The following CTIF variants were observed in gnomAD, a reference collection of about 807,000 sequenced individuals.
CTIF encodes cap binding complex dependent translation initiation factor, also known as CBP80/20-dependent translation initiation factor.
CTIF carries 21 observed loss-of-function variants against 66.0 expected under a neutral mutation model. The ratio of observed to expected loss-of-function variants is 0.32; its 90% confidence interval spans 0.23 to 0.46. The LOEUF (loss-of-function observed/expected upper bound fraction) is 0.46, where lower values mean the gene tolerates loss of function less well. Among genes scored for constraint, CTIF ranks in the 20% least tolerant of loss-of-function variants. The pLI, the probability that CTIF is intolerant of heterozygous loss-of-function variation, is 1.00. For synonymous variants in CTIF, 345 were observed against 326.4 expected, an observed-to-expected ratio of 1.06 and a Z score of -0.62; for missense variants, 739 against 812.7, an observed-to-expected ratio of 0.91 and a Z score of 1.10.
chr18:48,703,228 G>A (rs1052262920), intron 6 of CTIF, among the ~76,000 whole-genome samples: 1 of 152,174 alleles, frequency 6.6e-6, no homozygotes, highest in African/African-American at 2.4e-5. Flanking sequence ...GTGAAGAAGA[G>A]GGGGACTGTA....
At chr18:48,775,462 C>T (rs1599022116) in intron 9 of CTIF, among the ~76,000 whole-genome samples, 1 of 152,348 alleles carries the variant, frequency 6.6e-6, no homozygotes, top group Middle Eastern at 3.4e-3. Flanking sequence ...TCCAGGGGCC[C>T]CCGGCACAGT....
At chr18:48,784,708 C>T (rs960343141) in intron 9 of CTIF, among the ~76,000 whole-genome samples, 1 of 151,988 alleles carries the variant, frequency 6.6e-6, no homozygotes, top group African/African-American at 2.4e-5. Flanking sequence ...GGCAGTGGGG[C>T]CTAAGGGTCA....
At chr18:48,613,244 C>T (rs976182153) in intron 1 of CTIF, among the ~76,000 whole-genome samples, 48 of 152,154 alleles carry the variant, frequency 3.2e-4, no homozygotes, top group Non-Finnish European at 1.9e-4. Context: ...TGTCTCTAGC[C>T]TGTGGGTGCT....
At position 48,730,370 on chromosome 18, in the gene CTIF, TGCG is replaced by T. The variant is rs1568171264; in HGVS notation, c.584+18677_584+18679del. Among the ~76,000 whole-genome samples the T allele has an allele frequency of 7.5e-4, 68 of 90,930 alleles. 1 individual carries two copies. Among genetic ancestry groups the T allele is most frequent in the African/African-American group, 2.3e-3 (64 of 28,352 alleles). The allele number at this position is 90,930 out of a possible 152,430, so 59.7% of individuals were successfully genotyped here. On this transcript the variant is annotated intron_variant, in intron 7 of 11. Transcript: ENST00000256413. The stretch of plus-strand genomic sequence containing the variant: ...GGGCTCCTGCTGTGTGAGGGGCCCC[TGCG>T]GTGTGAGGGGCTCCTGCTGTGTGAG...
At chr18:48,715,423 C>A (rs188869512) in intron 7 of CTIF, among the ~76,000 whole-genome samples, 7 of 152,186 alleles carry the variant, frequency 4.6e-5, no homozygotes, top group Non-Finnish European at 4.4e-5. Context: ...GTGTTCCACG[C>A]GTTCCTCAAA....
intron 1 of CTIF, among the ~76,000 whole-genome samples, chr18:48,588,406 A>G (rs1164916032): frequency 6.6e-6 from 1 of 152,132 alleles, no homozygotes; most frequent in East Asian, 1.9e-4. Context: ...GCTCCACACC[A>G]GGCCTGTCTT....
intron 6 of CTIF, among the ~76,000 whole-genome samples, chr18:48,678,877 C>G (rs1348737236): frequency 1.3e-5 from 2 of 152,180 alleles, no homozygotes; most frequent in African/African-American, 2.4e-5. Context: ...TAGGGATTGG[C>G]AAACTGGTCC....
At chr18:48,555,277 A>G (rs937157505) in intron 1 of CTIF, among the ~76,000 whole-genome samples, 2 of 152,114 alleles carry the variant, frequency 1.3e-5, no homozygotes, top group African/African-American at 4.8e-5. Context: ...CCATTCCTTC[A>G]CAGCTCCTGC....
rs187024603 is a variant in CTIF at position 48,761,482 on chromosome 18, C to T, written c.1164C>T (p.Asp388=). 297 of 1,614,172 alleles carry T rather than the reference C, an allele frequency of 1.8e-4. 1 individual carries two copies. The East Asian group carries it at 3.7e-3, about 20-fold the overall frequency. The change falls in exon 9 of 12, where the codon GAC becomes GAT. Residue 388 remains aspartate, a synonymous_variant. Coordinates refer to ENST00000256413, the MANE Select transcript of CTIF (RefSeq NM_014772.3). This position sits in a 1 kb window ranked among gnomAD's most constrained non-coding sequence, Gnocchi z 4.2. Reference sequence around the variant, plus strand: ...ACAGCATGCGGAACAACAGCAGCGACGTGGACACCAAGCTCACCACCTTCA... The same window carrying T: ...ACAGCATGCGGAACAACAGCAGCGATGTGGACACCAAGCTCACCACCTTCA... The part of the protein sequence containing the change: ...ILNSMRNNSS[D]VDTKLTTFME...
intron 7 of CTIF, among the ~76,000 whole-genome samples, chr18:48,732,311 C>G (rs1568173592): frequency 6.6e-6 from 1 of 152,188 alleles, no homozygotes; most frequent in East Asian, 1.9e-4. Flanking sequence ...ACAGAAGAAC[C>G]TGGAAGGCTG....
rs150965032 is a variant in CTIF at position 48,696,544 on chromosome 18, G to A, written c.508-15075G>A. ...CTTAGTCTGTCTGGCTTGAGCTCTC[G>A]GGACCTAGGGTCCACTTGGACCCTT... On this transcript the variant is annotated intron_variant, in intron 6 of 11. Transcript: ENST00000256413. 1.6e-3 allele frequency among the ~76,000 whole-genome samples: 243 copies of A among 152,234 alleles called. 1 individual carries two copies. The highest frequency in any genetic ancestry group is 5.6e-3 in the African/African-American group (233 of 41,514).
chr18:48,783,611 T>A (rs531097244), intron 9 of CTIF, among the ~76,000 whole-genome samples: 1 of 152,238 alleles, frequency 6.6e-6, no homozygotes, highest in East Asian at 1.9e-4. Flanking sequence ...TGGGGCTGCA[T>A]GCCTCACCCT....
In CTIF at chr18:48,824,621, C is replaced by CTT. The variant is rs57385726; in HGVS notation, c.1527+7255_1527+7256dup. On this transcript the variant is annotated intron_variant, in intron 10 of 11. Coordinates refer to ENST00000256413, the MANE Select transcript of CTIF (RefSeq NM_014772.3). Reference sequence around the variant, plus strand: ...TGGCAGGGGAATTTTCTTTTCTCTCCTTTTTTTTTTTGTTTTGTTTTTTGA... The same window carrying CTT: ...TGGCAGGGGAATTTTCTTTTCTCTCCTTTTTTTTTTTTTGTTTTGTTTTTTGA... 2.1e-4 allele frequency among the ~76,000 whole-genome samples: 31 copies of CTT among 145,818 alleles called. 1 individual carries two copies. Among genetic ancestry groups the CTT allele is most frequent in the Middle Eastern group, 3.5e-3 (1 of 282 alleles).
rs1481459063 is a variant in CTIF at position 48,761,896 on chromosome 18, G to A, written c.1371+207G>A. Among the ~76,000 whole-genome samples the A allele has an allele frequency of 6.6e-6, 1 of 152,196 alleles. No individual in the cohort carries two copies. The highest frequency in any genetic ancestry group is 1.5e-5 in the Non-Finnish European group (1 of 68,030). ...GTGTGTGTTTATGTGTGGGCTCCCTGGTTACAATGGACCAATATAATTTTA... is the reference window on the plus strand; with the variant it reads ...GTGTGTGTTTATGTGTGGGCTCCCTAGTTACAATGGACCAATATAATTTTA... On this transcript the variant is annotated intron_variant, in intron 9 of 11. Coordinates refer to ENST00000256413, the MANE Select transcript of CTIF (RefSeq NM_014772.3). This position sits in a 1 kb window ranked among gnomAD's most constrained non-coding sequence, Gnocchi z 4.2.
intron 2 of CTIF, among the ~76,000 whole-genome samples, chr18:48,626,387 G>A (rs764552113): frequency 3.3e-5 from 5 of 150,554 alleles, no homozygotes; most frequent in African/African-American, 4.9e-5. Flanking sequence ...TTGCACTATC[G>A]CCCGGGCTAG....
chr18:48,852,768 T>C (rs1245913982), intron 10 of CTIF, among the ~76,000 whole-genome samples: 7 of 152,224 alleles, frequency 4.6e-5, no homozygotes, highest in Non-Finnish European at 1.5e-5. Flanking sequence ...GTATGGCATG[T>C]GTGTGGTTAT....
At chr18:48,694,061 G>T (rs2091971943) in intron 6 of CTIF, among the ~76,000 whole-genome samples, 1 of 152,228 alleles carries the variant, frequency 6.6e-6, no homozygotes, top group South Asian at 2.1e-4. Flanking sequence ...TGGCTGTGCT[G>T]ACAATAAGTC....
At chr18:48,760,884 G>A (rs1825227809) in intron 8 of CTIF, 1 of 155,090 alleles carries the variant, frequency 6.4e-6, no homozygotes, top group African/African-American at 2.4e-5. Context: ...TATGCCCAGA[G>A]AACAAGTCAT....
chr18:48,603,934 C>T (rs540953832), intron 1 of CTIF, among the ~76,000 whole-genome samples: 50 of 151,348 alleles, frequency 3.3e-4, no homozygotes, highest in Admixed American at 2.3e-3. Context: ...CTGCAACCTC[C>T]GCCTCCCAGA....
Sources: gnomAD v4.1 joint callset for allele counts (sites outside exome capture counted in the v4.1 genomes callset) on GRCh38, gnomAD v4.1.1 for gene constraint, Gnocchi (gnomAD v3.1) non-coding constraint, MANE v1.5 for transcripts, NCBI Gene and HGNC (gene_info 2026-07-23, HGNC 2026-07-21) for gene names.